FILIP1L: variants seen among roughly 807,000 people sequenced by gnomAD.
FILIP1L encodes filamin A-interacting protein 1-like.
FILIP1L carries 55 observed loss-of-function variants against 96.6 expected under a neutral mutation model. The observed-to-expected ratio is 0.57, with a 90% CI of 0.46 to 0.71. The LOEUF is 0.71. Ranked by LOEUF, FILIP1L falls within the 30% of genes least tolerant of loss-of-function variation. The pLI is 0.00. For missense variants in FILIP1L, 1,304 were observed against 1,321.2 expected (o/e 0.99, Z 0.20); for synonymous variants, 467 against 473.9 (o/e 0.99, Z 0.19).
At chr3:100,055,789 C>G (rs2065454002) in intron 1 of FILIP1L, among the ~76,000 whole-genome samples, 1 of 152,134 alleles carries the variant, frequency 6.6e-6, no homozygotes, top group Admixed American at 6.5e-5. Context: ...CCTTAAATTT[C>G]AGAAATTTTT....
chr3:99,899,909 G>A (rs892084438), intron 4 of FILIP1L, among the ~76,000 whole-genome samples: 1 of 152,072 alleles, frequency 6.6e-6, no homozygotes, highest in East Asian at 1.9e-4. Context: ...TTAGAGTAGG[G>A]CTTAACTAGT....
rs1707462829 is a variant in FILIP1L, at chr3:99,930,949, A to G, written c.72T>C (p.Ser24=). 2.5e-6 allele frequency: 4 copies of G among 1,613,590 alleles called. No homozygotes were observed. Among genetic ancestry groups the G allele is most frequent in the Non-Finnish European group, 3.4e-6 (4 of 1,179,884 alleles). The change falls in exon 2 of 6, where the codon AGT becomes AGC. Residue 24 remains serine (S), a synonymous_variant. Coordinates refer to ENST00000477258, the MANE Select transcript of FILIP1L (RefSeq NM_001387850.1). The part of the protein sequence containing the change: ...KKFPRHTKGH[S]FQGPKNMKHR... ...GCTTCATGTTTTTAGGCCCTTGGAA[A>G]CTGTGGCCTTTAGTATGTCTTGGAA... is the stretch of plus-strand genomic sequence containing the variant.
chr3:99,856,442 A>G (rs186911632), intron 4 of FILIP1L, among the ~76,000 whole-genome samples: 20 of 152,310 alleles, frequency 1.3e-4, no homozygotes, highest in African/African-American at 4.3e-4. Context: ...TTCATGTTCT[A>G]GTACTGACAC....
At chr3:99,897,552 A>G (rs1706297924) in intron 4 of FILIP1L, among the ~76,000 whole-genome samples, 1 of 152,160 alleles carries the variant, frequency 6.6e-6, no homozygotes, top group Non-Finnish European at 1.5e-5. Flanking sequence ...AGTAGTCTAT[A>G]TTCTCTAAGG....
chr3:99,909,614 G>T lies in FILIP1L; in HGVS notation c.605+14616C>A, dbSNP rs566814639. On this transcript the variant is annotated intron_variant, in intron 4 of 5. Coordinates refer to ENST00000477258, the MANE Select transcript of FILIP1L (RefSeq NM_001387850.1). ...GAGTAGATTTACTTGAAAAATCTTT[G>T]CATAAAGAAATAATAATACTGCTAA... Among the ~76,000 whole-genome samples the T allele has an allele frequency of 2.5e-4, 38 of 152,216 alleles. 1 individual carries two copies. The South Asian group carries it at 7.7e-3, about 31-fold the overall frequency.
Position 99,988,343 on chromosome 3 carries a change from A to C in FILIP1L, c.-10-57313T>G, listed in dbSNP as rs1389342429. 8.3e-3 allele frequency among the ~76,000 whole-genome samples: 756 copies of C among 90,670 alleles called. 29 individuals are homozygous for C. Among genetic ancestry groups the C allele is most frequent in the African/African-American group, 0.031 (648 of 21,072 alleles). 59.5% of individuals were successfully genotyped at this position (90,670 alleles called of 152,430 possible). A position where few individuals can be genotyped will look rare whatever the true frequency, so the allele number is the denominator to read the frequency against. On this transcript the variant is annotated intron_variant, in intron 1 of 5. Coordinates refer to ENST00000477258, the MANE Select transcript of FILIP1L (RefSeq NM_001387850.1). ...AAACCCCACCTCTACTAAAAATCCA[A>C]AAAAAAAAAAAAAAAAAAAATTAGC...
chr3:99,849,939 A>G lies in FILIP1L; in HGVS notation c.1737T>C (p.Asn579=), dbSNP rs776095371. 6.2e-7 allele frequency: 1 copy of G among 1,612,726 alleles called. No individual in the cohort carries two copies. The highest frequency in any genetic ancestry group is 8.5e-7 in the Non-Finnish European group (1 of 1,179,482). The change falls in exon 5 of 6, where the codon AAT becomes AAC. Residue 579 remains asparagine (N), a synonymous_variant. Transcript: ENST00000477258. The part of the protein sequence containing the change: ...NKLKAEEEKG[N]DLLSRVNMLK... ...ACATATTAACTCTTGACAGGAGATC[A>G]TTTCCTTTCTCTTCTTCCGCTTTCA...
intron 1 of FILIP1L, among the ~76,000 whole-genome samples, chr3:100,018,898 A>G (rs2107221643): frequency 6.6e-6 from 1 of 152,354 alleles, no homozygotes; most frequent in East Asian, 1.9e-4. Context: ...GGCCCTGAAT[A>G]GACATCTCTC....
At chr3:99,982,407 A>G (rs1204565848) in intron 1 of FILIP1L, among the ~76,000 whole-genome samples, 3 of 151,842 alleles carry the variant, frequency 2.0e-5, no homozygotes, top group Non-Finnish European at 4.4e-5. Context: ...TGGCGCATTC[A>G]TGGCTCAAAC....
intron 1 of FILIP1L, among the ~76,000 whole-genome samples, chr3:100,029,982 G>A (rs1225359633): frequency 1.3e-5 from 2 of 152,134 alleles, no homozygotes; most frequent in Admixed American, 6.6e-5. Context: ...AAACTTCACA[G>A]CTGTTTGTAA....
intron 4 of FILIP1L, among the ~76,000 whole-genome samples, chr3:99,889,446 C>A (rs1032408699): frequency 6.6e-6 from 1 of 152,040 alleles, no homozygotes; most frequent in African/African-American, 2.4e-5. Flanking sequence ...TTACTTTCAG[C>A]TTTACCATAC....
intron 1 of FILIP1L, among the ~76,000 whole-genome samples, chr3:100,094,877 A>G (rs1343623146): frequency 1.3e-5 from 2 of 150,868 alleles, no homozygotes; most frequent in Non-Finnish European, 3.0e-5. Flanking sequence ...TTTAGTAGAG[A>G]CGGGGTTTTA....
intron 1 of FILIP1L, among the ~76,000 whole-genome samples, chr3:99,974,574 G>T (rs1308427757): frequency 6.6e-6 from 1 of 152,090 alleles, no homozygotes; most frequent in Non-Finnish European, 1.5e-5. Context: ...CCGGGTGGTG[G>T]TGTGTGCCTG....
At position 99,849,780 on chromosome 3, in the gene FILIP1L, C is replaced by T; in HGVS notation, c.1896G>A (p.Val632=). 1 of 1,613,536 alleles carries T rather than the reference C, an allele frequency of 6.2e-7. No individual in the cohort carries two copies. The highest frequency in any genetic ancestry group is 8.5e-7 in the Non-Finnish European group (1 of 1,179,972). Residue 632 remains valine, a synonymous_variant, in exon 5 of 6, where the codon GTG becomes GTA. Transcript: ENST00000477258. The part of the protein sequence containing the change: ...NNKIKELSQE[V]ERLKLKLKDM... ...CCTTTAGCTTCAGTTTCAGTCTTTC[C>T]ACTTCTTGAGAGAGCTCCTTAATCT...
At chr3:99,960,507 A>G (rs1708459159) in intron 1 of FILIP1L, among the ~76,000 whole-genome samples, 1 of 152,202 alleles carries the variant, frequency 6.6e-6, no homozygotes, top group Non-Finnish European at 1.5e-5. Flanking sequence ...TAGGAATATA[A>G]AAGATTACAG....
intron 1 of FILIP1L, among the ~76,000 whole-genome samples, chr3:100,000,522 G>A (rs937730258): frequency 2.0e-5 from 3 of 152,260 alleles, no homozygotes; most frequent in South Asian, 2.1e-4. Flanking sequence ...GTGAAAATTT[G>A]ATGGGAAGTG....
At chr3:100,073,944 T>C (rs994861556) in intron 1 of FILIP1L, among the ~76,000 whole-genome samples, 1 of 152,242 alleles carries the variant, frequency 6.6e-6, no homozygotes, top group Admixed American at 6.5e-5. Context: ...ATGGTTTTCC[T>C]GTTTCCTTTC....
intron 5 of FILIP1L, among the ~76,000 whole-genome samples, chr3:99,837,980 T>A (rs924798416): frequency 6.6e-6 from 1 of 152,234 alleles, no homozygotes; most frequent in African/African-American, 2.4e-5. Flanking sequence ...GTTGTGATGT[T>A]CCTTCCGTGA....
At chr3:99,836,415 A>G (rs574817490) in intron 5 of FILIP1L, among the ~76,000 whole-genome samples, 13 of 152,296 alleles carry the variant, frequency 8.5e-5, no homozygotes, top group South Asian at 6.2e-4. Flanking sequence ...TTTGAAGTGT[A>G]TAGTTGGGCC....
Sources: gnomAD v4.1 joint callset for allele counts (sites outside exome capture counted in the v4.1 genomes callset) on GRCh38, gnomAD v4.1.1 for gene constraint, MANE v1.5 for transcripts, NCBI Gene and HGNC (gene_info 2026-07-23, HGNC 2026-07-21) for gene names.